The following ATE1 variants were observed in gnomAD, a reference collection of about 807,000 sequenced individuals.
ATE1 encodes arginyl-tRNA--protein transferase 1.
A neutral mutation model predicts 70.5 loss-of-function variants in ATE1; 36 were observed. The ratio of observed to expected loss-of-function variants is 0.51; its 90% CI spans 0.39 to 0.67. ATE1 has a LOEUF of 0.67. Ranked by LOEUF, ATE1 falls within the 30% of genes least tolerant of loss-of-function variation. The pLI, the probability that ATE1 is intolerant of heterozygous loss-of-function variation, is 0.00. For synonymous variants in ATE1, 232 were observed against 219.3 expected (o/e 1.06, Z -0.51); for missense variants, 593 against 629.5 (o/e 0.94, Z 0.62).
At chr10:121,763,530 T>G (rs1945141597) in intron 11 of ATE1, among the ~76,000 whole-genome samples, 1 of 152,186 alleles carries the variant, frequency 6.6e-6, no homozygotes, top group Non-Finnish European at 1.5e-5. Flanking sequence ...TTTCCAATTT[T>G]ATGACATTCT....
chr10:121,780,503 A>G (rs534880862), intron 11 of ATE1, among the ~76,000 whole-genome samples: 1 of 152,256 alleles, frequency 6.6e-6, no homozygotes, highest in Admixed American at 6.5e-5. Flanking sequence ...CTCTTAACCA[A>G]TTCCCACTCT....
intron 8 of ATE1, chr10:121,846,755 G>T (rs1948840890): frequency 6.6e-6 from 1 of 151,264 alleles, no homozygotes; most frequent in South Asian, 2.1e-4. Flanking sequence ...ATGTTATCTG[G>T]GCAATAAATA....
At chr10:121,885,953 T>C (rs1304445761) in intron 7 of ATE1, among the ~76,000 whole-genome samples, 5 of 151,984 alleles carry the variant, frequency 3.3e-5, no homozygotes, top group Admixed American at 6.6e-5. Flanking sequence ...AATGTTCGGA[T>C]CTTACTATCA....
intron 5 of ATE1, among the ~76,000 whole-genome samples, chr10:121,905,706 G>A (rs770530842): frequency 6.6e-6 from 1 of 152,118 alleles, no homozygotes; most frequent in Non-Finnish European, 1.5e-5. Context: ...TCAGCCGGGA[G>A]TGTCGGCGTG....
chr10:121,762,467 T>C (rs1040624481), intron 11 of ATE1, among the ~76,000 whole-genome samples: 14 of 152,180 alleles, frequency 9.2e-5, no homozygotes, highest in East Asian at 1.9e-4. Flanking sequence ...CACTGTAACA[T>C]TGATGAAAAA....
At chr10:121,901,064 G>A (rs1435725463) in intron 6 of ATE1, among the ~76,000 whole-genome samples, 2 of 152,028 alleles carry the variant, frequency 1.3e-5, no homozygotes, top group South Asian at 4.1e-4. Flanking sequence ...TCAGGAGTTC[G>A]TGACCAGCCT....
intron 5 of ATE1, among the ~76,000 whole-genome samples, chr10:121,905,537 C>A (rs968573806): frequency 1.3e-5 from 2 of 152,124 alleles, no homozygotes; most frequent in Non-Finnish European, 2.9e-5. Flanking sequence ...TACTACGTTA[C>A]TACAGTGGAA....
At chr10:121,877,224 A>G (rs1950083493) in intron 7 of ATE1, among the ~76,000 whole-genome samples, 1 of 152,174 alleles carries the variant, frequency 6.6e-6, no homozygotes, top group South Asian at 2.1e-4. Context: ...TTAAATAAAT[A>G]CCAGCACAAA....
At chr10:121,898,510 A>G (rs972372579) in intron 7 of ATE1, among the ~76,000 whole-genome samples, 2 of 152,144 alleles carry the variant, frequency 1.3e-5, no homozygotes, top group East Asian at 3.9e-4. Flanking sequence ...TTGATTATCA[A>G]TTTCTTGAAG....
intron 1 of ATE1, chr10:121,927,322 T>C (rs1952134096): frequency 1.0e-6 from 1 of 984,924 alleles, no homozygotes; most frequent in Admixed American, 6.2e-5. Context: ...CACCAGTTTC[T>C]TGTCCTTTTT....
At chr10:121,924,436 C>T (rs1353789252) in intron 1 of ATE1, 107 bp from the exon 2 acceptor site, 1 of 1,067,790 alleles carries the variant, frequency 9.4e-7, no homozygotes, top group South Asian at 1.3e-5. Flanking sequence ...CACGGTGGCT[C>T]ATGCCTGTAA....
At chr10:121,797,501 C>G (rs946338279) in intron 10 of ATE1, among the ~76,000 whole-genome samples, 2 of 152,060 alleles carry the variant, frequency 1.3e-5, no homozygotes, top group African/African-American at 4.8e-5. Context: ...CCCCTTGCCC[C>G]CTAGCCCCTA....
chr10:121,759,613 A>G (rs969734530), intron 11 of ATE1, among the ~76,000 whole-genome samples: 7 of 151,720 alleles, frequency 4.6e-5, no homozygotes, highest in Non-Finnish European at 7.4e-5. Context: ...AGTCCCAGCT[A>G]CTTGGGAGGC....
intron 8 of ATE1, among the ~76,000 whole-genome samples, chr10:121,858,654 C>CATATTAT (rs1949341024): frequency 7.6e-5 from 1 of 13,148 alleles, no homozygotes; most frequent in Non-Finnish European, 2.1e-4. Context: ...ATATTTTATA[C>CATATTAT]ATATAATATA....
chr10:121,748,613 G>GAT (rs1433226231), intron 11 of ATE1, among the ~76,000 whole-genome samples: 3 of 150,864 alleles, frequency 2.0e-5, no homozygotes, highest in Non-Finnish European at 3.0e-5. Flanking sequence ...TTTTTATAGA[G>GAT]TTATGGCACA....
In ATE1 at chr10:121,797,772, C is replaced by A. The variant is rs569695922; in HGVS notation, c.1258-7483G>T. ...CCTGCTCCCACCTCAGAGATTCTCA[C>A]TGACTGTTCTCTCTTCTGGTCACAG... On this transcript the variant is annotated intron_variant, in intron 10 of 11. Transcript: ENST00000224652. 3.7e-4 allele frequency among the ~76,000 whole-genome samples: 57 copies of A among 152,316 alleles called. No individual in the cohort carries two copies. The South Asian group carries it at 6.4e-3, about 17-fold the overall frequency.
intron 1 of ATE1, chr10:121,926,770 C>T (rs1314120050): frequency 2.7e-5 from 27 of 985,308 alleles, no homozygotes; most frequent in Non-Finnish European, 3.3e-5. Context: ...GGCCTTCTTC[C>T]TTTCAGAACT....
At chr10:121,815,526 A>G (rs1406770073) in intron 10 of ATE1, among the ~76,000 whole-genome samples, 3 of 152,222 alleles carry the variant, frequency 2.0e-5, no homozygotes, top group African/African-American at 7.2e-5. Context: ...AACATTAATT[A>G]TCTTTAAATT....
chr10:121,862,102 C>G (rs1159698764), intron 8 of ATE1, among the ~76,000 whole-genome samples: 1 of 152,174 alleles, frequency 6.6e-6, no homozygotes, highest in African/African-American at 2.4e-5. Flanking sequence ...CTCTTCCTAG[C>G]CTTATCTCCA....
Sources: gnomAD v4.1 joint callset for allele counts (sites outside exome capture counted in the v4.1 genomes callset) on GRCh38, gnomAD v4.1.1 for gene constraint, MANE v1.5 for transcripts, NCBI Gene and HGNC (gene_info 2026-07-23, HGNC 2026-07-21) for gene names.